The following TMEM26 variants were observed in gnomAD, a reference collection of about 807,000 sequenced individuals.
TMEM26 encodes transmembrane protein 26.
A neutral mutation model predicts 28.8 loss-of-function variants in TMEM26; 38 were observed. The observed-to-expected ratio is 1.32, with a 90% CI of 1.02 to 1.73. TMEM26 has a LOEUF of 1.73. Ranked by LOEUF, TMEM26 falls within the 40% of genes most tolerant of loss-of-function variation. The probability of loss-of-function intolerance (pLI) is 0.00; values close to 1 mark genes in which losing one functional copy is unlikely to be tolerated. For missense variants in TMEM26, 518 were observed against 447.1 expected (o/e 1.16, Z -1.43); for synonymous variants, 227 against 182.9 (o/e 1.24, Z -1.95).
At chr10:61,449,308 G>A (rs1310002614) in intron 1 of TMEM26, among the ~76,000 whole-genome samples, 1 of 151,632 alleles carries the variant, frequency 6.6e-6, no homozygotes, top group Non-Finnish European at 1.5e-5. Context: ...AGCTTAACGG[G>A]GGACATGTTG....
intron 4 of TMEM26, among the ~76,000 whole-genome samples, chr10:61,425,485 T>C (rs1006563387): frequency 1.3e-5 from 2 of 152,116 alleles, no homozygotes; most frequent in African/African-American, 4.8e-5. Flanking sequence ...TTTCAGAAGA[T>C]AAACATTAAA....
chr10:61,442,628 TTAAG>T (rs2135329860), intron 1 of TMEM26, among the ~76,000 whole-genome samples: 1 of 152,318 alleles, frequency 6.6e-6, no homozygotes, highest in South Asian at 2.1e-4. Flanking sequence ...AAATCTCATG[TTAAG>T]TGAGATTTTG....
intron 4 of TMEM26, among the ~76,000 whole-genome samples, chr10:61,420,552 A>G (rs1564474250): frequency 6.6e-6 from 1 of 152,142 alleles, no homozygotes; most frequent in Non-Finnish European, 1.5e-5. Flanking sequence ...ATATATATGT[A>G]AAATGGTGGA....
At chr10:61,444,327 C>A (rs1163170053) in intron 1 of TMEM26, among the ~76,000 whole-genome samples, 1 of 152,086 alleles carries the variant, frequency 6.6e-6, no homozygotes, top group Non-Finnish European at 1.5e-5. Flanking sequence ...ACTACAGGAA[C>A]TTTAATGCTC....
At chr10:61,417,158 T>C (rs1488838444) in intron 4 of TMEM26, among the ~76,000 whole-genome samples, 4 of 152,042 alleles carry the variant, frequency 2.6e-5, no homozygotes, top group Non-Finnish European at 5.9e-5. Flanking sequence ...GGTGGATTTA[T>C]TCACCACTGT....
chr10:61,448,615 T>G (rs1840224783), intron 1 of TMEM26, among the ~76,000 whole-genome samples: 1 of 146,562 alleles, frequency 6.8e-6, no homozygotes, highest in Admixed American at 7.0e-5. Flanking sequence ...TTTTCTGTTT[T>G]TTTGTTTTTT....
At position 61,419,531 on chromosome 10, in the gene TMEM26, G is replaced by A. The variant is rs1839708444; in HGVS notation, c.606-5996C>T. On this transcript the variant is annotated intron_variant, in intron 4 of 5. Transcript: ENST00000399298. ...GAATTGAAAATATGCAAACTGAAGT[G>A]AAAAATTCAATAGATGAACTCTACA... 1.3e-5 allele frequency among the ~76,000 whole-genome samples: 2 copies of A among 151,946 alleles called. 1 individual carries two copies. Among genetic ancestry groups the A allele is most frequent in the South Asian group, 4.1e-4 (2 of 4,826 alleles).
At chr10:61,432,863 T>C (rs1839945182) in intron 2 of TMEM26, among the ~76,000 whole-genome samples, 1 of 152,074 alleles carries the variant, frequency 6.6e-6, no homozygotes, top group Admixed American at 6.6e-5. Context: ...GGAGCAAAAA[T>C]ACAGTTGTTT....
intron 1 of TMEM26, among the ~76,000 whole-genome samples, chr10:61,438,868 C>T (rs1460288390): frequency 6.6e-6 from 1 of 152,082 alleles, no homozygotes; most frequent in Non-Finnish European, 1.5e-5. Context: ...ATAAAACAAA[C>T]AAAAAGCTTT....
At chr10:61,414,840 T>C (rs1169642976) in intron 4 of TMEM26, 16 of 294,406 alleles carry the variant, frequency 5.4e-5, no homozygotes, top group Non-Finnish European at 7.6e-5. Context: ...GGTAATGTTA[T>C]GTAAATTGAT....
chr10:61,413,273 G>C (rs554694200), intron 5 of TMEM26, among the ~76,000 whole-genome samples, 186 bp downstream of exon 5: 2 of 152,060 alleles, frequency 1.3e-5, no homozygotes, highest in African/African-American at 4.8e-5. Context: ...TAAGCTCACC[G>C]TGTACCACAG....
At chr10:61,440,571 T>G (rs1840076552) in intron 1 of TMEM26, among the ~76,000 whole-genome samples, 1 of 151,620 alleles carries the variant, frequency 6.6e-6, no homozygotes, top group South Asian at 2.1e-4. Flanking sequence ...CACATATGTA[T>G]TTCTCTCTTT....
At chr10:61,444,493 C>A (rs1840146148) in intron 1 of TMEM26, among the ~76,000 whole-genome samples, 1 of 151,918 alleles carries the variant, frequency 6.6e-6, no homozygotes, top group Non-Finnish European at 1.5e-5. Context: ...CCTTTTCTCC[C>A]TTTTATGTCC....
rs779460085 is a variant in TMEM26, at chr10:61,410,538, C to T, written c.891G>A (p.Val297=). The part of the protein sequence containing the change: ...VFFAAKNFLV[V]VLQLYRLVVL... The stretch of plus-strand genomic sequence containing the variant: ...CCACCAAGCGGTAGAGTTGCAACAC[C>T]ACCACGAGGAAGTTCTTCGCGGCAA... The change falls in exon 6 of 6, where the codon GTG becomes GTA. Residue 297 remains valine, a synonymous_variant. Coordinates refer to ENST00000399298, the MANE Select transcript of TMEM26 (RefSeq NM_178505.8). The T allele has an allele frequency of 2.5e-6, 4 of 1,614,136 alleles. No homozygotes were observed. Among genetic ancestry groups the T allele is most frequent in the African/African-American group, 2.7e-5 (2 of 75,020 alleles).
In TMEM26 at chr10:61,442,255, G is replaced by T. The variant is rs957132531; in HGVS notation, c.192-6007C>A. On this transcript the variant is annotated intron_variant, in intron 1 of 5. Coordinates refer to ENST00000399298, the MANE Select transcript of TMEM26 (RefSeq NM_178505.8). Reference sequence around the variant, plus strand: ...CATTTAGCAATTTAGCCCTGCAGTAGATTTTATTTACTTTGACTCACCATT... The same window carrying T: ...CATTTAGCAATTTAGCCCTGCAGTATATTTTATTTACTTTGACTCACCATT... Among the ~76,000 whole-genome samples, 3 of 152,174 alleles carry T rather than the reference G, an allele frequency of 2.0e-5. No homozygotes were observed. In the South Asian group the frequency reaches 6.2e-4, roughly 32 times the overall value.
Position 61,453,260 on chromosome 10 carries a change from C to G in TMEM26, c.-179G>C. 1.6e-6 allele frequency: 1 copy of G among 639,912 alleles called. No homozygotes were observed. Among genetic ancestry groups the G allele is most frequent in the Non-Finnish European group, 2.7e-6 (1 of 374,440 alleles). The allele number at this position is 639,912 out of a possible 1,614,324, so 39.6% of individuals were successfully genotyped here. Reference sequence around the variant, plus strand: ...AACTGGTGCGCGGCTCGCCCCTCCCCCAAACTTCCTGAGAACTCTTCAAAG... The same window carrying G: ...AACTGGTGCGCGGCTCGCCCCTCCCGCAAACTTCCTGAGAACTCTTCAAAG... On this transcript the variant is annotated 5_prime_UTR_variant, in exon 1 of 6. Transcript: ENST00000399298.
At chr10:61,423,540 G>A (rs999081794) in intron 4 of TMEM26, among the ~76,000 whole-genome samples, 9 of 152,100 alleles carry the variant, frequency 5.9e-5, no homozygotes, top group Non-Finnish European at 1.2e-4. Flanking sequence ...AGGAGTTCAA[G>A]AGCAGACTGG....
chr10:61,414,858 A>C (rs1490748278), intron 4 of TMEM26: 1 of 362,026 alleles, frequency 2.8e-6, no homozygotes. Context: ...GATGACAGAC[A>C]TTCAGATTTA....
chr10:61,434,570 T>G (rs1389341189), intron 2 of TMEM26, among the ~76,000 whole-genome samples: 5 of 152,192 alleles, frequency 3.3e-5, no homozygotes, highest in Non-Finnish European at 5.9e-5. Flanking sequence ...GTCCCCTAAC[T>G]CCTTCCAGTA....
Sources: allele counts gnomAD v4.1 joint callset (sites outside exome capture counted in the v4.1 genomes callset), GRCh38; gene constraint gnomAD v4.1.1; transcripts MANE v1.5; gene names NCBI Gene and HGNC (gene_info 2026-07-23, HGNC 2026-07-21).